The following PPFIA2 variants were observed in gnomAD, a reference collection of about 807,000 sequenced individuals.
PPFIA2 encodes PPFI scaffold protein A2, also known as liprin-alpha-2.
PPFIA2 carries 46 observed loss-of-function variants against 175.5 expected under a neutral mutation model. The ratio of observed to expected loss-of-function variants is 0.26; its 90% CI spans 0.21 to 0.34. The LOEUF (loss-of-function observed/expected upper bound fraction) is 0.34, where lower values mean the gene tolerates loss of function less well. Ranked by LOEUF, PPFIA2 falls within the 10% of genes least tolerant of loss-of-function variation. The pLI, the probability that PPFIA2 is intolerant of heterozygous loss-of-function variation, is 1.00. For missense variants in PPFIA2, 1,179 were observed against 1,506.1 expected (o/e 0.78, Z 3.60); for synonymous variants, 568 against 511.4 (o/e 1.11, Z -1.49).
At chr12:81,366,124 TTC>T (rs984256867) in intron 14 of PPFIA2, among the ~76,000 whole-genome samples, 1 of 147,870 alleles carries the variant, frequency 6.8e-6, no homozygotes, top group Non-Finnish European at 1.5e-5. Context: ...TTTCCCTTCC[TTC>T]TCTCTCTCCA....
chr12:81,349,636 A>T (rs528894878), intron 17 of PPFIA2, among the ~76,000 whole-genome samples: 219 of 152,050 alleles, frequency 1.4e-3, no homozygotes, highest in Middle Eastern at 3.4e-3. Context: ...ACTCCTAGAA[A>T]TTTTTTTCTG....
intron 4 of PPFIA2, among the ~76,000 whole-genome samples, chr12:81,497,585 G>C (rs2060165932): frequency 7.1e-6 from 1 of 141,546 alleles, no homozygotes; most frequent in Non-Finnish European, 1.5e-5. Flanking sequence ...TATTGCCCAG[G>C]CTGGAGTGCA....
At chr12:81,641,055 A>G (rs549448743) in intron 4 of PPFIA2, among the ~76,000 whole-genome samples, 1 of 152,288 alleles carries the variant, frequency 6.6e-6, no homozygotes, top group African/African-American at 2.4e-5. Context: ...TGCTCAAATC[A>G]GGGCAATTAA....
chr12:81,444,157 C>A (rs2050795605), intron 6 of PPFIA2, among the ~76,000 whole-genome samples: 1 of 152,136 alleles, frequency 6.6e-6, no homozygotes, highest in Non-Finnish European at 1.5e-5. Flanking sequence ...CCCGGCCATG[C>A]CAACCTTTCT....
At chr12:81,384,520 G>T (rs1331091901) in intron 8 of PPFIA2, among the ~76,000 whole-genome samples, 1 of 151,752 alleles carries the variant, frequency 6.6e-6, no homozygotes, top group Non-Finnish European at 1.5e-5. Context: ...ATAAAACATT[G>T]ATGTATCCTA....
At chr12:81,648,622 CT>C (rs2066538449) in intron 4 of PPFIA2, among the ~76,000 whole-genome samples, 2 of 151,304 alleles carry the variant, frequency 1.3e-5, no homozygotes. Context: ...AGGGTTTTTT[CT>C]TTTTTTGTTT....
rs114638530 is a variant in PPFIA2 at position 81,713,346 on chromosome 12, G to A, written c.250-36502C>T. 6.6e-5 allele frequency among the ~76,000 whole-genome samples: 10 copies of A among 150,992 alleles called. 1 individual carries two copies. Among genetic ancestry groups the A allele is most frequent in the Admixed American group, 6.1e-4 (9 of 14,744 alleles). Reference sequence around the variant, plus strand: ...ACCCAGCTAAGAGTAACAAAATTGGGACTCAAAGTCAGGAAGACTGCTTTT... The same window carrying A: ...ACCCAGCTAAGAGTAACAAAATTGGAACTCAAAGTCAGGAAGACTGCTTTT... On this transcript the variant is annotated intron_variant, in intron 3 of 32. Coordinates refer to ENST00000549396, the MANE Select transcript of PPFIA2 (RefSeq NM_003625.5).
intron 2 of PPFIA2, among the ~76,000 whole-genome samples, chr12:81,756,522 T>C (rs971481517): frequency 2.6e-5 from 4 of 152,056 alleles, no homozygotes; most frequent in Non-Finnish European, 5.9e-5. Flanking sequence ...TGATGAAAAG[T>C]GGCTTAGGGA....
chr12:81,583,692 G>C (rs1409323825), intron 4 of PPFIA2, among the ~76,000 whole-genome samples: 1 of 151,866 alleles, frequency 6.6e-6, no homozygotes, highest in Non-Finnish European at 1.5e-5. Flanking sequence ...CTGAATGAGT[G>C]TGTCTATGTG....
At chr12:81,424,882 G>T (rs1017075484) in intron 7 of PPFIA2, 3 of 152,166 alleles carry the variant, frequency 2.0e-5, no homozygotes, top group African/African-American at 7.2e-5. Context: ...ACATATCAGT[G>T]CAGGTGCAAA....
At chr12:81,309,569 C>G (rs1216910436) in intron 22 of PPFIA2, among the ~76,000 whole-genome samples, 1 of 152,038 alleles carries the variant, frequency 6.6e-6, no homozygotes, top group Admixed American at 6.6e-5. Context: ...CCTATTATTG[C>G]ATATTTTCAC....
At chr12:81,511,690 C>T (rs2061818000) in intron 4 of PPFIA2, among the ~76,000 whole-genome samples, 1 of 151,946 alleles carries the variant, frequency 6.6e-6, no homozygotes, top group African/African-American at 2.4e-5. Context: ...ATAATCAATG[C>T]TCGGTACAAA....
chr12:81,394,074 C>T (rs937531849), intron 8 of PPFIA2, among the ~76,000 whole-genome samples: 7 of 152,012 alleles, frequency 4.6e-5, no homozygotes, highest in African/African-American at 1.7e-4. Context: ...TATGCAATAG[C>T]AGTTTTTTAA....
intron 4 of PPFIA2, among the ~76,000 whole-genome samples, chr12:81,497,809 G>C (rs1288079109): frequency 1.3e-5 from 2 of 152,100 alleles, no homozygotes; most frequent in African/African-American, 4.8e-5. Flanking sequence ...AAAATGCTGG[G>C]ATTACAGGCA....
intron 7 of PPFIA2, among the ~76,000 whole-genome samples, chr12:81,437,268 T>C (rs531049561): frequency 1.4e-4 from 22 of 152,250 alleles, no homozygotes; most frequent in Middle Eastern, 3.4e-3. Context: ...CTGGCTGTGT[T>C]GCCTAGGCTG....
intron 7 of PPFIA2, among the ~76,000 whole-genome samples, chr12:81,428,296 GCAAA>G (rs1177859184): frequency 6.6e-6 from 1 of 151,884 alleles, no homozygotes; most frequent in African/African-American, 2.4e-5. Flanking sequence ...GGAAAGATTT[GCAAA>G]CAAACTTCAA....
At chr12:81,713,877 G>A (rs1443480308) in intron 3 of PPFIA2, among the ~76,000 whole-genome samples, 1 of 151,258 alleles carries the variant, frequency 6.6e-6, no homozygotes, top group Non-Finnish European at 1.5e-5. Flanking sequence ...AGAGAAATGT[G>A]AACAGTGACA....
intron 4 of PPFIA2, among the ~76,000 whole-genome samples, chr12:81,551,285 T>C (rs1295703974): frequency 2.0e-5 from 3 of 151,978 alleles, no homozygotes; most frequent in African/African-American, 7.2e-5. Flanking sequence ...AAACATGGAC[T>C]ATATGTTTTA....
intron 4 of PPFIA2, among the ~76,000 whole-genome samples, chr12:81,525,573 T>C (rs921714822): frequency 1.3e-5 from 2 of 152,148 alleles, no homozygotes; most frequent in African/African-American, 2.4e-5. Context: ...TGAGCTCCAG[T>C]TGAGGACTCA....
Sources: allele counts gnomAD v4.1 joint callset (sites outside exome capture counted in the v4.1 genomes callset), GRCh38; gene constraint gnomAD v4.1.1; transcripts MANE v1.5; gene names NCBI Gene and HGNC (gene_info 2026-07-23, HGNC 2026-07-21).